DOCK2: variants seen among roughly 807,000 people sequenced by gnomAD.
The protein encoded by DOCK2 is dedicator of cytokinesis 2, also known as dedicator of cytokinesis protein 2.
Under a neutral mutation model 248.9 loss-of-function variants are expected in DOCK2, and 87 were observed. That is an observed-to-expected ratio of 0.35 (90% CI 0.29 to 0.42). DOCK2 has a LOEUF of 0.42. Among genes scored for constraint, DOCK2 ranks in the 10% least tolerant of loss-of-function variants. The pLI, the probability that DOCK2 is intolerant of heterozygous loss-of-function variation, is 1.00. For synonymous variants in DOCK2, 805 were observed against 821.6 expected (o/e 0.98, Z 0.35); for missense variants, 1,747 against 2,300.2 (o/e 0.76, Z 4.92).
chr5:169,739,672 T>C (rs1185238521), intron 22 of DOCK2, among the ~76,000 whole-genome samples: 2 of 152,220 alleles, frequency 1.3e-5, no homozygotes, highest in African/African-American at 4.8e-5. Flanking sequence ...TTTTCTGTTA[T>C]ATATTTTCAA....
rs573406417 is a variant in DOCK2, at chr5:169,674,217, C to G, written c.322-80C>G. On this transcript the variant is annotated intron_variant, in intron 5 of 51. Coordinates refer to ENST00000520908, the MANE Select transcript of DOCK2 (RefSeq NM_004946.3). ...AGGCCATGGCCCTTGACCACACTCA[C>G]CTGACTTTGGCACAGCCTGCCAAAT... is the stretch of plus-strand genomic sequence containing the variant. The G allele has an allele frequency of 1.6e-4, 247 of 1,560,468 alleles. 1 individual carries two copies. The Middle Eastern group carries it at 1.6e-3, about 10-fold the overall frequency.
intron 27 of DOCK2, among the ~76,000 whole-genome samples, chr5:169,874,923 G>A (rs992144826): frequency 2.6e-5 from 4 of 152,156 alleles, no homozygotes; most frequent in Middle Eastern, 3.4e-3. Flanking sequence ...TGCTCCATGA[G>A]TAATCCTCTC....
At chr5:169,819,687 G>A (rs1768299098) in intron 26 of DOCK2, among the ~76,000 whole-genome samples, 1 of 152,216 alleles carries the variant, frequency 6.6e-6, no homozygotes, top group Non-Finnish European at 1.5e-5. Context: ...ACATCTCCCA[G>A]CGTGAGCGAC....
intron 22 of DOCK2, among the ~76,000 whole-genome samples, chr5:169,722,851 A>T (rs984725422): frequency 7.2e-5 from 11 of 152,168 alleles, no homozygotes; most frequent in African/African-American, 2.7e-4. Flanking sequence ...ATACTATCCT[A>T]AACATTTCTT....
At chr5:169,935,070 C>T (rs1197804570) in intron 27 of DOCK2, among the ~76,000 whole-genome samples, 4 of 152,222 alleles carry the variant, frequency 2.6e-5, no homozygotes, top group African/African-American at 4.8e-5. Flanking sequence ...AGGGAGTCCA[C>T]GTGGGCAGGA....
At chr5:170,053,668 T>C (rs1375140601) in intron 41 of DOCK2, among the ~76,000 whole-genome samples, 1 of 152,232 alleles carries the variant, frequency 6.6e-6, no homozygotes, top group Non-Finnish European at 1.5e-5. Flanking sequence ...CTGAAAATCA[T>C]AGAAATACCT....
At chr5:169,876,177 C>T (rs1772322737) in intron 27 of DOCK2, among the ~76,000 whole-genome samples, 1 of 152,164 alleles carries the variant, frequency 6.6e-6, no homozygotes, top group Admixed American at 6.5e-5. Context: ...TCTCTGCGGC[C>T]CTTGTGATTA....
At chr5:169,891,850 C>CT (rs1773301649) in intron 27 of DOCK2, among the ~76,000 whole-genome samples, 1 of 151,982 alleles carries the variant, frequency 6.6e-6, no homozygotes, top group East Asian at 1.9e-4. Flanking sequence ...AAAAAATTCT[C>CT]TGAGTGTGGT....
chr5:169,971,569 A>T (rs888314816), intron 27 of DOCK2, among the ~76,000 whole-genome samples: 1 of 151,906 alleles, frequency 6.6e-6, no homozygotes, highest in African/African-American at 2.4e-5. Flanking sequence ...GATTTTTCTC[A>T]TCATGGGGAT....
chr5:170,014,414 C>T (rs1356067492), intron 32 of DOCK2, among the ~76,000 whole-genome samples: 2 of 152,050 alleles, frequency 1.3e-5, no homozygotes, highest in African/African-American at 2.4e-5. Flanking sequence ...ATACATTTAA[C>T]ACCATATTCT....
chr5:169,988,112 C>G (rs1205423967), intron 29 of DOCK2, among the ~76,000 whole-genome samples: 7 of 152,146 alleles, frequency 4.6e-5, no homozygotes, highest in Admixed American at 3.9e-4. Flanking sequence ...ACTAAAGAAG[C>G]ATGTGTTAAT....
At chr5:169,872,862 T>C (rs1489641529) in intron 27 of DOCK2, among the ~76,000 whole-genome samples, 2 of 152,202 alleles carry the variant, frequency 1.3e-5, no homozygotes, top group Admixed American at 1.3e-4. Context: ...ATCTGTAAAA[T>C]GGGAATGTTA....
intron 1 of DOCK2, among the ~76,000 whole-genome samples, chr5:169,643,292 C>T (rs1757251509): frequency 6.6e-6 from 1 of 152,132 alleles, no homozygotes; most frequent in African/African-American, 2.4e-5. Flanking sequence ...GAAAGTATGA[C>T]CGCCAATGTG....
chr5:170,037,479 A>AT (rs537505396), intron 36 of DOCK2, among the ~76,000 whole-genome samples: 5,695 of 139,196 alleles, frequency 0.041, 182 homozygotes, highest in South Asian at 0.18. Flanking sequence ...CACAAAAACA[A>AT]ATTTTTTTTT....
chr5:169,783,696 G>A (rs1392430769), intron 25 of DOCK2, among the ~76,000 whole-genome samples: 2 of 152,032 alleles, frequency 1.3e-5, no homozygotes, highest in Non-Finnish European at 2.9e-5. Context: ...AAAAGCTATG[G>A]GAGAAAGGGT....
At chr5:169,738,889 T>G (rs1231249926) in intron 22 of DOCK2, among the ~76,000 whole-genome samples, 1 of 152,182 alleles carries the variant, frequency 6.6e-6, no homozygotes, top group Non-Finnish European at 1.5e-5. Flanking sequence ...GCTCCTTCTG[T>G]TACCCTGTCC....
intron 30 of DOCK2, 67 bp downstream of exon 30, chr5:169,996,231 G>A: frequency 6.6e-7 from 1 of 1,521,124 alleles, no homozygotes; most frequent in Non-Finnish European, 9.0e-7. Context: ...TGGGCTGATT[G>A]CTCCATCAGA....
rs570586819 is a variant in DOCK2, at chr5:169,654,096, A to T, written c.44-307A>T. Among the ~76,000 whole-genome samples, 8 of 152,362 alleles carry T rather than the reference A, an allele frequency of 5.3e-5. 1 individual carries two copies. Among genetic ancestry groups the T allele is most frequent in the African/African-American group, 1.9e-4 (8 of 41,582 alleles). ...TGTAGCAAAACATGCATAACAAATG[A>T]TGTAACATTTTAACTGCCTGGTGTA... On this transcript the variant is annotated intron_variant, in intron 1 of 51. Transcript: ENST00000520908.
intron 43 of DOCK2, chr5:170,057,047 C>G: frequency 2.3e-6 from 1 of 440,266 alleles, no homozygotes; most frequent in Non-Finnish European, 4.1e-6. Flanking sequence ...TAGAAACCCT[C>G]AGGCTAAGAA....
Sources: allele counts gnomAD v4.1 joint callset (sites outside exome capture counted in the v4.1 genomes callset), GRCh38; gene constraint gnomAD v4.1.1; transcripts MANE v1.5; gene names NCBI Gene and HGNC (gene_info 2026-07-23, HGNC 2026-07-21).